Variants in PCDH15 observed in about 807,000 individuals in gnomAD.
The protein encoded by PCDH15 is protocadherin related 15.
A neutral mutation model predicts 178.5 loss-of-function variants in PCDH15; 129 were observed. That is an observed-to-expected ratio of 0.72 (90% CI 0.63 to 0.84). The LOEUF (loss-of-function observed/expected upper bound fraction) is 0.84. Ranked by LOEUF, PCDH15 falls within the 40% of genes least tolerant of loss-of-function variation. The probability of loss-of-function intolerance (pLI) is 0.00; values close to 1 mark genes in which losing one functional copy is unlikely to be tolerated. For missense variants in PCDH15, 2,230 were observed against 2,099.9 expected (o/e 1.06, Z -1.21); for synonymous variants, 800 against 732.0 (o/e 1.09, Z -1.50).
intron 25 of PCDH15, among the ~76,000 whole-genome samples, chr10:53,935,131 C>T (rs2085455008): frequency 6.6e-6 from 1 of 151,722 alleles, no homozygotes. Flanking sequence ...CATTTTTTTA[C>T]AGTAATGCTT....
chr10:55,308,716 A>G (rs16907233), intron 1 of PCDH15, among the ~76,000 whole-genome samples: 29,170 of 152,140 alleles, frequency 0.19, 4,204 homozygotes, highest in African/African-American at 0.41. Flanking sequence ...GAAAAGAGGA[A>G]AGAACTATTC....
chr10:54,217,921 G>GTTT (rs374289557), intron 9 of PCDH15, among the ~76,000 whole-genome samples: 2 of 151,662 alleles, frequency 1.3e-5, no homozygotes, highest in African/African-American at 4.8e-5. Flanking sequence ...GCTTTTTTTT[G>GTTT]TTTTTTTGTT....
intron 1 of PCDH15, among the ~76,000 whole-genome samples, chr10:55,196,300 T>A (rs1283074970): frequency 2.6e-5 from 4 of 152,088 alleles, no homozygotes. Flanking sequence ...AATAAACATA[T>A]TAAAATGTAA....
chr10:55,512,224 T>C (rs1290382881), intron 2 of PCDH15, among the ~76,000 whole-genome samples: 1 of 152,138 alleles, frequency 6.6e-6, no homozygotes, highest in Non-Finnish European at 1.5e-5. Context: ...AGTTTGAGAA[T>C]AGTTAAACCC....
chr10:55,205,851 G>T (rs1840384581), intron 1 of PCDH15, among the ~76,000 whole-genome samples: 2 of 152,068 alleles, frequency 1.3e-5, no homozygotes, highest in African/African-American at 4.8e-5. Context: ...GTTCCACATG[G>T]CTGGGGAGGC....
intron 2 of PCDH15, among the ~76,000 whole-genome samples, chr10:55,037,167 A>G (rs928195940): frequency 1.3e-5 from 2 of 152,204 alleles, no homozygotes; most frequent in Non-Finnish European, 2.9e-5. Flanking sequence ...TAGAAAGAAG[A>G]AAAATATCAT....
intron 2 of PCDH15, among the ~76,000 whole-genome samples, chr10:55,528,975 T>C (rs369192689): frequency 3.4e-4 from 52 of 152,222 alleles, no homozygotes; most frequent in South Asian, 1.2e-3. Context: ...CTCTGATGGC[T>C]AGTGATGATG....
chr10:54,624,717 C>T (rs1416546444), intron 2 of PCDH15, among the ~76,000 whole-genome samples: 1 of 152,140 alleles, frequency 6.6e-6, no homozygotes, highest in East Asian at 1.9e-4. Context: ...GCATTATTGC[C>T]TGAGCTCTAC....
chr10:54,403,809 C>T (rs1285457552), intron 3 of PCDH15, among the ~76,000 whole-genome samples: 2 of 151,448 alleles, frequency 1.3e-5, no homozygotes, highest in Non-Finnish European at 3.0e-5. Context: ...ATTCAAGGAT[C>T]CAAATCAGGA....
At chr10:53,931,311 G>T (rs1216707591) in intron 25 of PCDH15, among the ~76,000 whole-genome samples, 1 of 152,220 alleles carries the variant, frequency 6.6e-6, no homozygotes, top group Non-Finnish European at 1.5e-5. Flanking sequence ...TTAGTTAGCA[G>T]TCAGCCATCA....
At chr10:55,242,030 G>T (rs548620626) in intron 1 of PCDH15, among the ~76,000 whole-genome samples, 2 of 152,102 alleles carry the variant, frequency 1.3e-5, no homozygotes, top group East Asian at 3.9e-4. Flanking sequence ...TAGTATTTTT[G>T]TAGATAAGCC....
intron 2 of PCDH15, among the ~76,000 whole-genome samples, chr10:54,990,644 AC>A (rs1839477670): frequency 6.6e-6 from 1 of 152,182 alleles, no homozygotes; most frequent in African/African-American, 2.4e-5. Flanking sequence ...GTTTATATAA[AC>A]CATCATTGCA....
At chr10:55,052,454 C>T (rs1001362786) in intron 2 of PCDH15, among the ~76,000 whole-genome samples, 5 of 140,634 alleles carry the variant, frequency 3.6e-5, no homozygotes, top group African/African-American at 1.3e-4. Flanking sequence ...AATCCCAGCA[C>T]TTTGGGAGGC....
intron 2 of PCDH15, among the ~76,000 whole-genome samples, chr10:55,017,176 T>A (rs1238866235): frequency 6.6e-6 from 1 of 152,142 alleles, no homozygotes; most frequent in Non-Finnish European, 1.5e-5. Context: ...ACAAATGTAT[T>A]TGTGTAGTTC....
intron 2 of PCDH15, among the ~76,000 whole-genome samples, chr10:54,578,910 A>C (rs1472954311): frequency 6.6e-6 from 1 of 152,144 alleles, no homozygotes; most frequent in East Asian, 1.9e-4. Context: ...CTTTGTAAGG[A>C]AGGGATAAAT....
chr10:54,436,043 AG>A (rs2075380292), intron 3 of PCDH15, among the ~76,000 whole-genome samples: 2 of 137,020 alleles, frequency 1.5e-5, no homozygotes, highest in African/African-American at 6.1e-5. Context: ...AGAGAGAGAG[AG>A]AGAGAGAAAA....
intron 15 of PCDH15, among the ~76,000 whole-genome samples, chr10:54,093,675 C>G (rs2094641579): frequency 6.6e-6 from 1 of 152,038 alleles, no homozygotes; most frequent in Admixed American, 6.6e-5. Flanking sequence ...GTGTCAGAAA[C>G]TATATTAAAA....
At chr10:54,091,545 T>C (rs918197229) in intron 15 of PCDH15, among the ~76,000 whole-genome samples, 2 of 152,158 alleles carry the variant, frequency 1.3e-5, no homozygotes, top group Non-Finnish European at 2.9e-5. Context: ...AATGGATTGA[T>C]GGCCAGAAGC....
At chr10:54,491,060 T>A (rs1402930615) in intron 3 of PCDH15, among the ~76,000 whole-genome samples, 2 of 152,020 alleles carry the variant, frequency 1.3e-5, no homozygotes, top group African/African-American at 4.8e-5. Context: ...CACTAACGTA[T>A]AAGGGAAAGG....
Sources: gnomAD v4.1 joint callset for allele counts (sites outside exome capture counted in the v4.1 genomes callset) on GRCh38, gnomAD v4.1.1 for gene constraint, MANE v1.5 for transcripts, NCBI Gene and HGNC (gene_info 2026-07-23, HGNC 2026-07-21) for gene names.